Variants in CPXM2 observed in about 807,000 individuals in gnomAD.
CPXM2 encodes the protein inactive carboxypeptidase-like protein X2.
A neutral mutation model predicts 86.1 loss-of-function variants in CPXM2; 66 were observed. The observed-to-expected ratio is 0.77, with a 90% CI of 0.63 to 0.94. CPXM2 has a LOEUF of 0.94. Among genes scored for constraint, CPXM2 ranks in the 40% least tolerant of loss-of-function variants. The pLI, the probability that CPXM2 is intolerant of heterozygous loss-of-function variation, is 0.00. For missense variants in CPXM2, 948 were observed against 1,026.3 expected, an observed-to-expected ratio of 0.92 and a Z score of 1.04; for synonymous variants, 388 against 400.2, an observed-to-expected ratio of 0.97 and a Z score of 0.36.
intron 6 of CPXM2, among the ~76,000 whole-genome samples, chr10:123,785,102 G>A (rs1056547650): frequency 5.9e-5 from 9 of 152,028 alleles, no homozygotes; most frequent in Admixed American, 3.3e-4. Flanking sequence ...CCCCCACCCT[G>A]CGGTGCATAC....
At chr10:123,834,443 G>A (rs1156939509) in intron 4 of CPXM2, among the ~76,000 whole-genome samples, 1 of 152,230 alleles carries the variant, frequency 6.6e-6, no homozygotes, top group African/African-American at 2.4e-5. Flanking sequence ...GCCAAGAGAG[G>A]ACATGAAGCA....
intron 6 of CPXM2, among the ~76,000 whole-genome samples, chr10:123,794,959 G>A (rs768814298): frequency 7.9e-5 from 12 of 152,188 alleles, no homozygotes; most frequent in South Asian, 2.1e-4. Flanking sequence ...TAGTAGAGAC[G>A]GGGTTTCAGC....
At chr10:123,862,930 T>C (rs1348767854) in intron 2 of CPXM2, among the ~76,000 whole-genome samples, 1 of 152,204 alleles carries the variant, frequency 6.6e-6, no homozygotes, top group Non-Finnish European at 1.5e-5. Flanking sequence ...GTGTTTTTGC[T>C]CTGATATTCC....
intron 2 of CPXM2, among the ~76,000 whole-genome samples, chr10:123,871,116 T>C (rs1237933813): frequency 6.6e-6 from 1 of 152,204 alleles, no homozygotes; most frequent in African/African-American, 2.4e-5. Context: ...CCTTCTTAAA[T>C]GTCCAGCTCA....
rs188648438 is a variant in CPXM2 at position 123,800,828 on chromosome 10, G to A, written c.654-1629C>T. Among the ~76,000 whole-genome samples, 15 of 152,204 alleles carry A rather than the reference G, an allele frequency of 9.9e-5. No individual in the cohort carries two copies. The East Asian group carries it at 2.1e-3, about 22-fold the overall frequency. On this transcript the variant is annotated intron_variant, in intron 4 of 13. Coordinates refer to ENST00000241305, the MANE Select transcript of CPXM2 (RefSeq NM_198148.3). ...CCAATCCCCTACTTATGTTTGAATC[G>A]TAATTGTTTCTATGGCTCAGAACTA...
At chr10:123,817,612 T>A (rs1252992808) in intron 4 of CPXM2, among the ~76,000 whole-genome samples, 1 of 152,170 alleles carries the variant, frequency 6.6e-6, no homozygotes, top group South Asian at 2.1e-4. Context: ...ATATACGTAA[T>A]TGGGCTTGGG....
chr10:123,944,054 G>A (rs1311645244), upstream of CPXM2, among the ~76,000 whole-genome samples: 1 of 152,198 alleles, frequency 6.6e-6, no homozygotes, highest in Non-Finnish European at 1.5e-5. Context: ...TGTCCTACAA[G>A]GTTAAAGTGT....
intron 4 of CPXM2, among the ~76,000 whole-genome samples, chr10:123,817,676 G>T (rs1016301969): frequency 2.0e-5 from 3 of 152,180 alleles, no homozygotes; most frequent in Admixed American, 6.5e-5. Context: ...AATGCCCGTG[G>T]TCTCCACTCC....
At chr10:123,912,068 G>C (rs77896965) in intron 2 of CPXM2, among the ~76,000 whole-genome samples, 56 of 152,164 alleles carry the variant, frequency 3.7e-4, no homozygotes, top group African/African-American at 1.3e-3. Flanking sequence ...TAGACCTCTC[G>C]ACTGGGGTTT....
At chr10:123,800,966 C>T (rs546253182) in intron 4 of CPXM2, among the ~76,000 whole-genome samples, 14 of 151,766 alleles carry the variant, frequency 9.2e-5, no homozygotes, top group Admixed American at 2.6e-4. Flanking sequence ...TCACGCCTTC[C>T]GCTCTACACT....
chr10:123,820,271 T>G (rs982434724), intron 4 of CPXM2, among the ~76,000 whole-genome samples: 1 of 152,162 alleles, frequency 6.6e-6, no homozygotes, highest in African/African-American at 2.4e-5. Context: ...CCACATCATG[T>G]GTCTGGAGAA....
rs140719032 is a variant in CPXM2 at position 123,768,156 on chromosome 10, G to C, written c.1299+370C>G. On this transcript the variant is annotated intron_variant, in intron 9 of 13. Coordinates refer to ENST00000241305, the MANE Select transcript of CPXM2 (RefSeq NM_198148.3). The stretch of plus-strand genomic sequence containing the variant: ...TAATCCCAGCACTTTGGGAGGCCAA[G>C]GCTGGCGGATTACCTTAGGTCACGA... 7.3e-3 allele frequency among the ~76,000 whole-genome samples: 1,117 copies of C among 152,276 alleles called. 12 individuals are homozygous for C. The highest frequency in any genetic ancestry group is 0.024 in the African/African-American group (1,001 of 41,534).
At chr10:123,867,375 C>A (rs1029589103) in intron 2 of CPXM2, among the ~76,000 whole-genome samples, 20 of 152,134 alleles carry the variant, frequency 1.3e-4, no homozygotes, top group African/African-American at 4.8e-4. Context: ...GGAAAATTAT[C>A]TTTTGCTTTA....
chr10:123,753,229 C>G (rs901438069), intron 13 of CPXM2, among the ~76,000 whole-genome samples: 1 of 152,210 alleles, frequency 6.6e-6, no homozygotes, highest in Non-Finnish European at 1.5e-5. Context: ...GATCATGGGA[C>G]AGTCAGCCCT....
intron 2 of CPXM2, among the ~76,000 whole-genome samples, chr10:123,906,276 A>G (rs903930639): frequency 1.3e-5 from 2 of 152,218 alleles, no homozygotes; most frequent in African/African-American, 2.4e-5. Context: ...AAAATGAGAC[A>G]CTAATGTCTA....
At chr10:123,750,774 C>T (rs1008263575) in intron 13 of CPXM2, 8 of 985,388 alleles carry the variant, frequency 8.1e-6, no homozygotes, top group Middle Eastern at 1.0e-3. Flanking sequence ...GGGTGTTGGC[C>T]ATGTCATCTC....
upstream of CPXM2, among the ~76,000 whole-genome samples, chr10:123,895,702 T>C (rs1945332451): frequency 6.6e-6 from 1 of 152,222 alleles, no homozygotes; most frequent in Non-Finnish European, 1.5e-5. Context: ...GTAGTGTAAG[T>C]AGAACTCCAG....
At chr10:123,872,317 T>C (rs1039720086) in intron 2 of CPXM2, among the ~76,000 whole-genome samples, 6 of 152,182 alleles carry the variant, frequency 3.9e-5, no homozygotes, top group Non-Finnish European at 7.3e-5. Context: ...ACCTGCAGTA[T>C]AGTCATGCAC....
upstream of CPXM2, among the ~76,000 whole-genome samples, chr10:123,941,676 G>A (rs559077804): frequency 2.6e-5 from 4 of 152,316 alleles, no homozygotes; most frequent in South Asian, 2.1e-4. Flanking sequence ...GAGGTAGAAC[G>A]TAAGACCCTC....
Sources: allele counts gnomAD v4.1 joint callset (sites outside exome capture counted in the v4.1 genomes callset), GRCh38; gene constraint gnomAD v4.1.1; transcripts MANE v1.5; gene names NCBI Gene and HGNC (gene_info 2026-07-23, HGNC 2026-07-21).